The following ATG7 variants were observed in gnomAD, a reference collection of about 807,000 sequenced individuals.
ATG7 encodes the protein ubiquitin-like modifier-activating enzyme ATG7.
Under a neutral mutation model 82.4 loss-of-function variants are expected in ATG7, and 70 were observed. The observed-to-expected ratio is 0.85, with a 90% confidence interval of 0.70 to 1.04. ATG7 has a LOEUF of 1.04. ATG7 is among the 50% of genes least tolerant of loss of function. The pLI is 0.00. For missense variants in ATG7, 792 were observed against 864.3 expected (o/e 0.92, Z 1.05); for synonymous variants, 287 against 313.0 (o/e 0.92, Z 0.88).
At chr3:11,488,886 A>T (rs1292920691) in intron 20 of ATG7, among the ~76,000 whole-genome samples, 1 of 152,190 alleles carries the variant, frequency 6.6e-6, no homozygotes, top group African/African-American at 2.4e-5. Flanking sequence ...TGTCTCTGCC[A>T]GGCTTTGGTA....
Position 11,362,746 on chromosome 3 carries a change from T to C in ATG7, c.1684-67T>C. 7 of 1,321,444 alleles carry C rather than the reference T, an allele frequency of 5.3e-6. No individual in the cohort carries two copies. The South Asian group carries it at 7.9e-5, about 15-fold the overall frequency. The allele number at this position is 1,321,444 out of a possible 1,614,324, so 81.9% of individuals were successfully genotyped here. A position where few individuals can be genotyped will look rare whatever the true frequency, so the allele number is the denominator to read the frequency against. ...TAAAGCTTTGTCACAGAGGATTTCATACTTGAGACAGCTAGAGTTGAATGG... is the reference window on the plus strand; with the variant it reads ...TAAAGCTTTGTCACAGAGGATTTCACACTTGAGACAGCTAGAGTTGAATGG... On this transcript the variant is annotated intron_variant, in intron 16 of 20. Coordinates refer to ENST00000693202, the MANE Select transcript of ATG7 (RefSeq NM_001349232.2).
intron 20 of ATG7, among the ~76,000 whole-genome samples, chr3:11,553,474 G>C (rs930617707): frequency 2.0e-5 from 3 of 152,186 alleles, no homozygotes; most frequent in African/African-American, 7.2e-5. Context: ...AGAACCCAGA[G>C]ATCAGATCCA....
chr3:11,514,921 A>G lies in ATG7; in HGVS notation c.2080-39890A>G, dbSNP rs1165674489. On this transcript the variant is annotated intron_variant, in intron 20 of 20. Transcript: ENST00000693202. ...AGTGGCATGATCTCAGCTCACTGCA[A>G]CCTCCACCTACCAGGTTCAAGTGAT... Among the ~76,000 whole-genome samples, 4 of 150,936 alleles carry G rather than the reference A, an allele frequency of 2.7e-5. No homozygotes were observed. The East Asian group carries it at 7.8e-4, about 29-fold the overall frequency.
Position 11,362,921 on chromosome 3 carries a change from C to G in ATG7, c.1792C>G (p.Pro598Ala). 6.2e-7 allele frequency: 1 copy of G among 1,613,594 alleles called. No homozygotes were observed. The highest frequency in any genetic ancestry group is 8.5e-7 in the Non-Finnish European group (1 of 1,179,774). ...VELMVSVLQH[P>A]EGGYAIASSS... Reference sequence around the variant, plus strand: ...ATTGATGGTATCTGTTTTGCAGCATCCAGAAGGGTGAGTTTGCTAGTAGGA... The same window carrying G: ...ATTGATGGTATCTGTTTTGCAGCATGCAGAAGGGTGAGTTTGCTAGTAGGA... The change falls in exon 17 of 21, where the codon CCA becomes GCA. Residue 598 changes from proline (P) to alanine (A), a missense_variant. By Grantham distance (27) the Pro-to-Ala change is conservative. Transcript: ENST00000693202.
intron 9 of ATG7, among the ~76,000 whole-genome samples, chr3:11,322,881 T>C (rs969212751): frequency 6.6e-6 from 1 of 152,188 alleles, no homozygotes; most frequent in Non-Finnish European, 1.5e-5. Context: ...AGAGGATTGT[T>C]TGAGGCCAGG....
chr3:11,307,802 C>G (rs1337670097), intron 6 of ATG7, among the ~76,000 whole-genome samples: 1 of 152,164 alleles, frequency 6.6e-6, no homozygotes, highest in Admixed American at 6.5e-5. Context: ...GTCTTTATCA[C>G]GACATGAATC....
rs558466322 is a variant in ATG7, at chr3:11,545,963, A to AC, written c.2080-8844dup. On this transcript the variant is annotated intron_variant, in intron 20 of 20. Coordinates refer to ENST00000693202, the MANE Select transcript of ATG7 (RefSeq NM_001349232.2). ...AGACCAGCCTGGGCAACATAGGGAG[A>AC]CCCCATCTCCACAAAATATAAAAAA... Among the ~76,000 whole-genome samples the AC allele has an allele frequency of 3.9e-3, 594 of 151,812 alleles. 3 individuals carry two copies. The highest frequency in any genetic ancestry group is 0.014 in the African/African-American group (567 of 41,366).
intron 3 of ATG7, among the ~76,000 whole-genome samples, chr3:11,285,533 C>T (rs573054419): frequency 4.6e-5 from 7 of 152,196 alleles, no homozygotes; most frequent in Middle Eastern, 3.4e-3. Context: ...AAATGTTTAG[C>T]TTGTGGCTTT....
intron 9 of ATG7, 146 bp downstream of exon 9, chr3:11,315,639 C>T (rs1395615110): frequency 1.6e-5 from 11 of 691,588 alleles, no homozygotes; most frequent in Non-Finnish European, 2.4e-5. Flanking sequence ...TATCTCTATC[C>T]TCTCCCACCC....
At chr3:11,524,141 A>C (rs897807307) in intron 20 of ATG7, among the ~76,000 whole-genome samples, 3 of 152,234 alleles carry the variant, frequency 2.0e-5, no homozygotes, top group African/African-American at 7.2e-5. Context: ...AGGAACCCCA[A>C]ATCTCTCCAC....
intron 20 of ATG7, among the ~76,000 whole-genome samples, chr3:11,503,459 C>CA (rs200366506): frequency 1.8e-3 from 274 of 151,394 alleles, no homozygotes; most frequent in African/African-American, 6.4e-3. Context: ...ATGCTATTAA[C>CA]AAAAAAAAGG....
chr3:11,362,856 G>A lies in ATG7; in HGVS notation c.1727G>A (p.Arg576His), dbSNP rs142493104. ...RTLDQQCTVS[R>H]PGLAVIAGAL... ...TTGGACCAGCAGTGCACTGTGAGTC[G>A]TCCAGGACTGGCCGTGATTGCAGGA... Residue 576 changes from arginine to histidine, a missense_variant, in exon 17 of 21, where the codon CGT becomes CAT. Physicochemically the swap from Arg to His is conservative, Grantham distance 29. Coordinates refer to ENST00000693202, the MANE Select transcript of ATG7 (RefSeq NM_001349232.2). 15 of 1,613,916 alleles carry A rather than the reference G, an allele frequency of 9.3e-6. No homozygotes were observed. The highest frequency in any genetic ancestry group is 5.5e-5 in the South Asian group (5 of 91,066).
At chr3:11,340,482 G>A (rs542973213) in intron 11 of ATG7, among the ~76,000 whole-genome samples, 163 bp from the exon 12 acceptor site, 20 of 152,028 alleles carry the variant, frequency 1.3e-4, no homozygotes, top group Non-Finnish European at 2.8e-4. Context: ...GCAAGTCTGT[G>A]GAAATTCAGG....
intron 9 of ATG7, among the ~76,000 whole-genome samples, chr3:11,330,570 C>A (rs2152752220): frequency 6.6e-6 from 1 of 152,232 alleles, no homozygotes; most frequent in Non-Finnish European, 1.5e-5. Context: ...CTTGTATTTT[C>A]CCTGCCTGAG....
chr3:11,485,999 G>C (rs1367974990), intron 20 of ATG7, among the ~76,000 whole-genome samples: 1 of 152,116 alleles, frequency 6.6e-6, no homozygotes, highest in Non-Finnish European at 1.5e-5. Flanking sequence ...TTGCTCTTTT[G>C]GCTTAGGATT....
At chr3:11,332,570 C>CTT (rs1215629206) in intron 10 of ATG7, 1 of 153,270 alleles carries the variant, frequency 6.5e-6, no homozygotes, top group Non-Finnish European at 1.5e-5. Context: ...TAACTACTGA[C>CTT]TGAGGTACTG....
At chr3:11,574,785 A>ATATGTGTG in the ATG7 span, among the ~76,000 whole-genome samples, 53 of 121,776 alleles carry the variant, frequency 4.4e-4, no homozygotes, top group East Asian at 3.8e-3. Flanking sequence ...TCAACTATAT[A>ATATGTGTG]TGTGTGTGTG....
intron 19 of ATG7, among the ~76,000 whole-genome samples, chr3:11,416,241 C>G (rs2081365392): frequency 6.6e-6 from 1 of 152,128 alleles, no homozygotes; most frequent in Non-Finnish European, 1.5e-5. Flanking sequence ...GAAGTATTCC[C>G]TTTGCTTCTG....
the ATG7 span, chr3:11,565,098 G>A: frequency 7.7e-7 from 1 of 1,304,422 alleles, no homozygotes; most frequent in Non-Finnish European, 1.0e-6. The surrounding 1 kb of genome is among the most constrained non-coding windows in gnomAD (Gnocchi z 4.1). Flanking sequence ...GGCACTCCGT[G>A]TTGCTTATTT....
Sources: allele counts gnomAD v4.1 joint callset (sites outside exome capture counted in the v4.1 genomes callset), GRCh38; gene constraint gnomAD v4.1.1; non-coding constraint Gnocchi (gnomAD v3.1); transcripts MANE v1.5; gene names NCBI Gene and HGNC (gene_info 2026-07-23, HGNC 2026-07-21).